IL34: variants seen among roughly 807,000 people sequenced by gnomAD.
IL34 encodes the protein interleukin-34.
A neutral mutation model predicts 25.3 loss-of-function variants in IL34; 17 were observed. That is an observed-to-expected ratio of 0.67 (90% confidence interval 0.46 to 1.01). The LOEUF (loss-of-function observed/expected upper bound fraction) is 1.01, where lower values mean the gene tolerates loss of function less well. Among genes scored for constraint, IL34 ranks in the 50% least tolerant of loss-of-function variants. The pLI, the probability that IL34 is intolerant of heterozygous loss-of-function variation, is 0.00. For synonymous variants in IL34, 174 were observed against 140.9 expected, an observed-to-expected ratio of 1.23 and a Z score of -1.66; for missense variants, 368 against 312.9, an observed-to-expected ratio of 1.18 and a Z score of -1.33.
In IL34 at chr16:70,646,886, G is replaced by A. The variant is rs374541911; in HGVS notation, c.-62G>A. 152 of 1,447,446 alleles carry A rather than the reference G, an allele frequency of 1.1e-4. No homozygotes were observed. The African/African-American group carries it at 1.9e-3, about 18-fold the overall frequency. The allele number at this position is 1,447,446 out of a possible 1,614,324, so 89.7% of individuals were successfully genotyped here. ...CCGAGGCCATGTAGGCCGTGCTTAG[G>A]CCTCTGTGGACACACTGCTGGGGAC... On this transcript the variant is annotated 5_prime_UTR_variant, in exon 1 of 6. Coordinates refer to ENST00000288098, the MANE Select transcript of IL34 (RefSeq NM_001393494.1).
rs139404206 is a variant in IL34 at position 70,613,553 on chromosome 16, A to G, written c.-400-32995A>G. Among the ~76,000 whole-genome samples, 13 of 152,266 alleles carry G rather than the reference A, an allele frequency of 8.5e-5. No individual in the cohort carries two copies. In the East Asian group the frequency reaches 2.5e-3, roughly 29 times the overall value. On this transcript the variant is annotated intron_variant, in intron 1 of 6. Coordinates refer to the IL34 transcript ENST00000429149. ...AAAGTGTGGTCTGCAGACCAGTGGT[A>G]TCTGCAGCACCTGGGAGCTTGTCAG...
At chr16:70,635,688 C>T (rs1200981107) in intron 1 of IL34, among the ~76,000 whole-genome samples, 1 of 152,272 alleles carries the variant, frequency 6.6e-6, no homozygotes, top group Admixed American at 6.5e-5. Flanking sequence ...GCTCACAGAC[C>T]TCTATTGATA....
chr16:70,634,914 A>T (rs902238106), intron 1 of IL34, among the ~76,000 whole-genome samples: 1 of 151,640 alleles, frequency 6.6e-6, no homozygotes, highest in South Asian at 2.1e-4. Context: ...ACAGATCAGC[A>T]GTTCCTTTTA....
intron 1 of IL34, among the ~76,000 whole-genome samples, chr16:70,637,186 A>G (rs1422102317): frequency 6.6e-6 from 1 of 151,514 alleles, no homozygotes; most frequent in African/African-American, 2.4e-5. Context: ...TAATTTTTTC[A>G]GTTTATTTTT....
intron 1 of IL34, among the ~76,000 whole-genome samples, chr16:70,609,066 AATT>A (rs2051053020): frequency 6.6e-6 from 1 of 151,960 alleles, no homozygotes; most frequent in Non-Finnish European, 1.5e-5. Context: ...ATTTTTTAAA[AATT>A]ATGTTTATTT....
chr16:70,644,741 GAGGAGGAGGGAGGAGGGAGGAAA>G (rs1279219587), upstream of IL34, among the ~76,000 whole-genome samples: 9 of 139,798 alleles, frequency 6.4e-5, no homozygotes, highest in East Asian at 4.3e-4. Context: ...GGAAGAGGAA[GAGGAGGAGGGAGGAGGGAGGAAA>G]AGGAGGAGGG....
intron 1 of IL34, among the ~76,000 whole-genome samples, chr16:70,603,787 G>A (rs2050956861): frequency 6.6e-6 from 1 of 152,052 alleles, no homozygotes; most frequent in Non-Finnish European, 1.5e-5. Context: ...TCATCATGTT[G>A]CCCAGGCTGG....
upstream of IL34, among the ~76,000 whole-genome samples, chr16:70,641,946 A>G (rs1317564032): frequency 1.3e-5 from 2 of 152,228 alleles, no homozygotes; most frequent in Non-Finnish European, 2.9e-5. Context: ...ACAATCTGAA[A>G]TGGACAAAGA....
intron 1 of IL34, among the ~76,000 whole-genome samples, chr16:70,619,314 T>C (rs951391138): frequency 4.0e-5 from 6 of 151,232 alleles, no homozygotes; most frequent in African/African-American, 1.5e-4. Context: ...TGGGTTAAGG[T>C]GGGGGAATAC....
intron 4 of IL34, among the ~76,000 whole-genome samples, chr16:70,657,789 C>CA (rs2052271737): frequency 6.6e-6 from 1 of 152,054 alleles, no homozygotes; most frequent in African/African-American, 2.4e-5. Context: ...AAACAAAAAA[C>CA]AAAAAACTAT....
At chr16:70,653,751 A>G (rs1597780585) in intron 1 of IL34, among the ~76,000 whole-genome samples, 1 of 152,126 alleles carries the variant, frequency 6.6e-6, no homozygotes, top group African/African-American at 2.4e-5. Flanking sequence ...AGTGAGTCTG[A>G]TATTTTGGGT....
intron 1 of IL34, among the ~76,000 whole-genome samples, chr16:70,613,595 C>T (rs868037538): frequency 2.1e-4 from 32 of 152,122 alleles, no homozygotes; most frequent in African/African-American, 7.7e-4. Context: ...AGAGTCCAGC[C>T]AGGAGTGGTG....
intron 1 of IL34, among the ~76,000 whole-genome samples, chr16:70,620,659 G>A (rs1002755807): frequency 6.6e-6 from 1 of 152,196 alleles, no homozygotes; most frequent in Non-Finnish European, 1.5e-5. Flanking sequence ...AGGGACTGAT[G>A]TGTAAAAGAA....
At chr16:70,648,640 C>T (rs1480580494) in intron 1 of IL34, among the ~76,000 whole-genome samples, 1 of 147,444 alleles carries the variant, frequency 6.8e-6, no homozygotes, top group Non-Finnish European at 1.5e-5. Flanking sequence ...AGGGGTGGGT[C>T]TTAGGACCAG....
chr16:70,589,622 ATTT>A (rs34813482), intron 1 of IL34, among the ~76,000 whole-genome samples: 14 of 136,728 alleles, frequency 1.0e-4, no homozygotes, highest in South Asian at 2.4e-4. Context: ...TTTTACCATG[ATTT>A]TTTTTTTTTT....
At chr16:70,618,095 G>A (rs1399780377) in intron 1 of IL34, among the ~76,000 whole-genome samples, 13 of 152,194 alleles carry the variant, frequency 8.5e-5, no homozygotes, top group Non-Finnish European at 8.8e-5. Flanking sequence ...GGAACACTGA[G>A]AAGTTATTTC....
At chr16:70,621,234 G>C (rs918867258) in intron 1 of IL34, among the ~76,000 whole-genome samples, 17 of 152,104 alleles carry the variant, frequency 1.1e-4, no homozygotes, top group African/African-American at 3.9e-4. Flanking sequence ...AAGCGTGCCT[G>C]TATAATCAGA....
chr16:70,619,213 A>G (rs2051225734), intron 1 of IL34, among the ~76,000 whole-genome samples: 2 of 152,148 alleles, frequency 1.3e-5, no homozygotes, highest in South Asian at 2.1e-4. Flanking sequence ...GGGATGGGAT[A>G]TTGGCGTTGA....
At chr16:70,633,115 C>T (rs1292926299) in intron 1 of IL34, among the ~76,000 whole-genome samples, 1 of 152,028 alleles carries the variant, frequency 6.6e-6, no homozygotes, top group Non-Finnish European at 1.5e-5. Flanking sequence ...CAGGTGCATG[C>T]CACCATGCCT....
Sources: gnomAD v4.1 joint callset for allele counts (sites outside exome capture counted in the v4.1 genomes callset) on GRCh38, gnomAD v4.1.1 for gene constraint, MANE v1.5 for transcripts, NCBI Gene and HGNC (gene_info 2026-07-23, HGNC 2026-07-21) for gene names.